CDH17: variants seen among roughly 807,000 people sequenced by gnomAD.
CDH17 encodes cadherin-17.
Under a neutral mutation model 86.3 loss-of-function variants are expected in CDH17, and 67 were observed. The ratio of observed to expected loss-of-function variants is 0.78; its 90% confidence interval spans 0.64 to 0.95. The LOEUF is 0.95. Among genes scored for constraint, CDH17 ranks in the 40% least tolerant of loss-of-function variants. CDH17 has a pLI of 0.00. For missense variants in CDH17, 993 were observed against 1,017.6 expected (o/e 0.98, Z 0.33); for synonymous variants, 367 against 366.4 (o/e 1.00, Z -0.02).
intron 1 of CDH17, among the ~76,000 whole-genome samples, chr8:94,213,929 C>T (rs1814159452): frequency 6.6e-6 from 1 of 152,152 alleles, no homozygotes; most frequent in Non-Finnish European, 1.5e-5. Flanking sequence ...TGGGCCCAAT[C>T]CCAGGTTATC....
In CDH17 at chr8:94,176,661, T is replaced by C. The variant is rs772117486; in HGVS notation, c.304A>G (p.Asn102Asp). The C allele has an allele frequency of 6.2e-7, 1 of 1,613,286 alleles. No individual in the cohort carries two copies. Among genetic ancestry groups the C allele is most frequent in the Non-Finnish European group, 8.5e-7 (1 of 1,179,560 alleles). ...ACTGGACCCTCCACTATAATTCCAT[T>C]AGCGTCCAGGGCTGCAACCTGATGT... ...HNLQVAALDA[N>D]GIIVEGPVPI... Residue 102 changes from asparagine (N) to aspartate (D), a missense_variant, in exon 5 of 18, where the codon AAT becomes GAT. Asn to Asp is a conservative substitution (Grantham distance 23, BLOSUM62 1). Transcript: ENST00000027335.
rs1375889580 is a variant in CDH17 at position 94,146,929 on chromosome 8, C to CCAG, written c.1928-763_1928-762insCTG. On this transcript the variant is annotated intron_variant, in intron 14 of 17. Transcript: ENST00000027335. ...TCCAGTAATGTTTTCTTGCTCATTT[C>CCAG]TAGTAAACCCTGTTTTCTTGATTTT... 3.0e-3 allele frequency among the ~76,000 whole-genome samples: 463 copies of CCAG among 152,274 alleles called. 1 individual carries two copies. The highest frequency in any genetic ancestry group is 0.011 in the African/African-American group (441 of 41,564).
At chr8:94,201,339 G>A (rs535890096) in intron 1 of CDH17, among the ~76,000 whole-genome samples, 1 of 152,260 alleles carries the variant, frequency 6.6e-6, no homozygotes, top group Non-Finnish European at 1.5e-5. Flanking sequence ...ATATGTTGGA[G>A]TCCTAACTTC....
intron 9 of CDH17, among the ~76,000 whole-genome samples, chr8:94,167,071 A>T (rs1163214008): frequency 6.6e-6 from 1 of 152,220 alleles, no homozygotes; most frequent in Admixed American, 6.5e-5. Flanking sequence ...CCTAGATTGC[A>T]TCTAAGCAAC....
chr8:94,140,019 TAGAA>T (rs1812607500), intron 15 of CDH17, among the ~76,000 whole-genome samples: 1 of 152,218 alleles, frequency 6.6e-6, no homozygotes, highest in Admixed American at 6.5e-5. Flanking sequence ...AATTAGAAGT[TAGAA>T]AGGTATAAGG....
chr8:94,156,735 C>A (rs568309169), intron 12 of CDH17, among the ~76,000 whole-genome samples: 219 of 152,342 alleles, frequency 1.4e-3, no homozygotes, highest in Non-Finnish European at 2.5e-3. Flanking sequence ...GCATACCTGT[C>A]CGCAGGTAGA....
At position 94,194,718 on chromosome 8, in the gene CDH17, C is replaced by A. The variant is rs1362998614; in HGVS notation, c.-20-13G>T. 6.8e-7 allele frequency: 1 copy of A among 1,474,232 alleles called. No homozygotes were observed. 91.3% of individuals were successfully genotyped at this position (1,474,232 alleles called of 1,614,324 possible). A position where few individuals can be genotyped will look rare whatever the true frequency, so the allele number is the denominator to read the frequency against. ...TTTATTCAAATTCCTGTGAAGGAAC[C>A]AGATAAAAAAATGGTTAGTTACCAG... is the stretch of plus-strand genomic sequence containing the variant. On this transcript the variant is annotated splice_polypyrimidine_tract_variant and intron_variant, in intron 1 of 17. Transcript: ENST00000027335.
chr8:94,186,533 T>C (rs1372569666), intron 3 of CDH17, among the ~76,000 whole-genome samples: 1 of 152,060 alleles, frequency 6.6e-6, no homozygotes. Flanking sequence ...ACTAATCCTA[T>C]TCATAGAGGT....
intron 12 of CDH17, among the ~76,000 whole-genome samples, chr8:94,153,714 G>T (rs1812896902): frequency 6.6e-6 from 1 of 152,122 alleles, no homozygotes; most frequent in South Asian, 2.1e-4. Context: ...ATACTGTTCA[G>T]CTTTAAAAAG....
chr8:94,170,618 G>T, intron 8 of CDH17, 71 bp from the exon 9 acceptor site: 3 of 1,524,610 alleles, frequency 2.0e-6, no homozygotes, highest in African/African-American at 1.4e-5. Context: ...GAAAATCGTT[G>T]TTTCATTTCT....
chr8:94,156,877 C>T (rs1812959537), intron 12 of CDH17, among the ~76,000 whole-genome samples: 1 of 152,180 alleles, frequency 6.6e-6, no homozygotes, highest in Non-Finnish European at 1.5e-5. Context: ...AAGGTGCTAC[C>T]ATTTTACCCA....
intron 15 of CDH17, among the ~76,000 whole-genome samples, chr8:94,134,178 T>G (rs1812475934): frequency 6.6e-6 from 1 of 152,246 alleles, no homozygotes; most frequent in Admixed American, 6.5e-5. Flanking sequence ...ATAAAATGAG[T>G]TAGGGAGGAT....
rs1420313867 is a variant in CDH17 at position 94,199,059 on chromosome 8, ATATATATATATATATATATATATATTTT to A, written c.-20-4382_-20-4355del. ...GATTGATATATATATATATATATAT[ATATATATATATATATATATATATATTTT>A]TTTTTTTTTATCATTTGTCTGTTAG... On this transcript the variant is annotated intron_variant, in intron 1 of 17. Transcript: ENST00000027335. Among the ~76,000 whole-genome samples the A allele has an allele frequency of 3.7e-4, 28 of 76,042 alleles. 1 individual carries two copies. The highest frequency in any genetic ancestry group is 1.3e-3 in the African/African-American group (20 of 15,496). 49.9% of individuals were successfully genotyped at this position (76,042 alleles called of 152,430 possible). A position where few individuals can be genotyped will look rare whatever the true frequency, so the allele number is the denominator to read the frequency against.
intron 12 of CDH17, among the ~76,000 whole-genome samples, chr8:94,159,726 T>C (rs771744747): frequency 6.6e-6 from 1 of 152,166 alleles, no homozygotes; most frequent in Non-Finnish European, 1.5e-5. Context: ...TTATATATTT[T>C]ATATGACGTT....
At chr8:94,147,528 TG>T (rs1812767185) in intron 14 of CDH17, among the ~76,000 whole-genome samples, 2 of 152,230 alleles carry the variant, frequency 1.3e-5, no homozygotes, top group South Asian at 4.1e-4. Flanking sequence ...ACATATTTAT[TG>T]AGTAATTTGT....
At chr8:94,198,060 A>G (rs1813822320) in intron 1 of CDH17, among the ~76,000 whole-genome samples, 3 of 152,098 alleles carry the variant, frequency 2.0e-5, no homozygotes, top group Admixed American at 2.0e-4. Context: ...ACTGTGCTTT[A>G]TATAGTTTGA....
chr8:94,168,158 T>TATATA (rs1813201628), intron 9 of CDH17, among the ~76,000 whole-genome samples: 1 of 87,190 alleles, frequency 1.1e-5, no homozygotes, highest in South Asian at 3.5e-4. Flanking sequence ...ATATATATAT[T>TATATA]TGTGTGTGTG....
At chr8:94,210,226 TAAAAAAA>T (rs71567010), upstream of CDH17, among the ~76,000 whole-genome samples, 714 of 53,454 alleles carry the variant, frequency 0.013, 11 homozygotes, top group African/African-American at 0.046. Context: ...TTTATGCGAG[TAAAAAAA>T]AAAAAAAAAA....
In CDH17 at chr8:94,149,299, G is replaced by A. The variant is rs16916591; in HGVS notation, c.1797-425C>T. ...AATTTGAACACCCAGTGGTGGAAAC[G>A]TTGGGCGAGATGGGTGGATACTCAT... On this transcript the variant is annotated intron_variant, in intron 13 of 17. Transcript: ENST00000027335. 1.5e-3 allele frequency among the ~76,000 whole-genome samples: 231 copies of A among 152,214 alleles called. 9 individuals carry two copies. The East Asian group carries it at 0.04, about 26-fold the overall frequency.
Sources: gnomAD v4.1 joint callset for allele counts (sites outside exome capture counted in the v4.1 genomes callset) on GRCh38, gnomAD v4.1.1 for gene constraint, MANE v1.5 for transcripts, NCBI Gene and HGNC (gene_info 2026-07-23, HGNC 2026-07-21) for gene names.